The following RPP30 variants were observed in gnomAD, a reference collection of about 807,000 sequenced individuals.
RPP30 encodes the protein ribonuclease P/MRP subunit p30.
A neutral mutation model predicts 38.6 loss-of-function variants in RPP30; 36 were observed. The observed-to-expected ratio is 0.93, with a 90% confidence interval of 0.71 to 1.23. The LOEUF is 1.23. Among genes scored for constraint, RPP30 ranks in the 50% most tolerant of loss-of-function variants. The pLI is 0.00. For missense variants in RPP30, 321 were observed against 321.7 expected, an observed-to-expected ratio of 1.00 and a Z score of 0.02; for synonymous variants, 126 against 112.7, an observed-to-expected ratio of 1.12 and a Z score of -0.75.
At chr10:90,884,168 G>T (rs928551336) in intron 5 of RPP30, among the ~76,000 whole-genome samples, 3 of 152,132 alleles carry the variant, frequency 2.0e-5, no homozygotes, top group Non-Finnish European at 2.9e-5. Context: ...GACTGTCATT[G>T]TACTAATGTC....
At position 90,878,808 on chromosome 10, in the gene RPP30, A is replaced by G. The variant is rs189361504; in HGVS notation, c.271-255A>G. 1.7e-3 allele frequency among the ~76,000 whole-genome samples: 260 copies of G among 152,292 alleles called. 2 individuals are homozygous for G. Among genetic ancestry groups the G allele is most frequent in the African/African-American group, 6.0e-3 (251 of 41,570 alleles). ...ATACCTAGCCTAATTTGATTTTTAC[A>G]TCTCAGACACAATGTTTGGTACATG... On this transcript the variant is annotated intron_variant, in intron 4 of 10. Transcript: ENST00000371703.
chr10:90,885,893 A>G lies in RPP30; in HGVS notation c.424A>G (p.Ile142Val). The change falls in exon 6 of 11, where the codon ATT (isoleucine) becomes GTT (valine). Residue 142 changes from isoleucine to valine, a missense_variant. Transcript: ENST00000371703. ...ACCATTTTACTTCAAAAGACCTCCT[A>G]TTAATGTGGTAAGTGTACTTTCCAT... ...KLPFYFKRPPINVAIDRGLAF... is the reference protein window; with the variant it reads ...KLPFYFKRPPVNVAIDRGLAF... 4.4e-6 allele frequency: 7 copies of G among 1,586,886 alleles called. No homozygotes were observed. Among genetic ancestry groups the G allele is most frequent in the African/African-American group, 2.7e-5 (2 of 74,432 alleles).
intron 10 of RPP30, among the ~76,000 whole-genome samples, chr10:90,896,601 G>T (rs1255741788): frequency 6.6e-6 from 1 of 152,152 alleles, no homozygotes; most frequent in African/African-American, 2.4e-5. Flanking sequence ...TTTCATTACA[G>T]AAATAAGTAT....
intron 8 of RPP30, 143 bp from the exon 9 acceptor site, chr10:90,895,737 A>G: frequency 1.6e-6 from 1 of 632,908 alleles, no homozygotes; most frequent in Non-Finnish European, 2.6e-6. Flanking sequence ...TTCAAAAGCT[A>G]TGAAACCCAT....
At chr10:90,896,237 G>A (rs1847137273) in intron 9 of RPP30, 76 bp from the exon 10 acceptor site, 1 of 1,290,804 alleles carries the variant, frequency 7.7e-7, no homozygotes, top group Non-Finnish European at 1.1e-6. Context: ...CAGGTTAGCT[G>A]GCACTTTCTG....
Position 90,894,876 on chromosome 10 carries a change from A to T in RPP30, c.534A>T (p.Gln178His). Residue 178 changes from glutamine (Q) to histidine (H), a missense_variant, in exon 7 of 11, where the codon CAA becomes CAT. By Grantham distance (24) the Gln-to-His change is conservative (BLOSUM62 0). Coordinates refer to ENST00000371703, the MANE Select transcript of RPP30 (RefSeq NM_006413.5). ...YTISSALNLM[Q>H]ICKGKNVIIS... ...TTTCCAGTGCCCTCAATTTGATGCA[A>T]ATCTGCAAAGGAAAGGTATGGTTCT... 6.2e-7 allele frequency: 1 copy of T among 1,607,398 alleles called. No homozygotes were observed.
intron 4 of RPP30, among the ~76,000 whole-genome samples, chr10:90,876,544 A>G (rs1295814209): frequency 6.6e-6 from 1 of 152,204 alleles, no homozygotes; most frequent in African/African-American, 2.4e-5. Context: ...TTGATATTCA[A>G]GCTGGGAGAC....
At chr10:90,880,571 T>C (rs1050240802) in intron 5 of RPP30, among the ~76,000 whole-genome samples, 2 of 151,950 alleles carry the variant, frequency 1.3e-5, no homozygotes, top group African/African-American at 4.8e-5. Flanking sequence ...CTACTAAAAA[T>C]ACAAAAATTA....
chr10:90,895,776 A>G, intron 8 of RPP30, 104 bp from the exon 9 acceptor site: 1 of 847,398 alleles, frequency 1.2e-6, no homozygotes, highest in Non-Finnish European at 1.8e-6. Flanking sequence ...AATTTATGTA[A>G]TTTTTTTATT....
At position 90,896,251 on chromosome 10, in the gene RPP30, T is replaced by C. The variant is rs186205394; in HGVS notation, c.618-62T>C. ...CCAGGTTAGCTGGCACTTTCTGTTA[T>C]GTTTGTGTTAGTCTCGTGTCCTTGG... On this transcript the variant is annotated intron_variant, in intron 9 of 10. Transcript: ENST00000371703. 2.2e-5 allele frequency: 32 copies of C among 1,436,822 alleles called. 2 individuals carry two copies. The highest frequency in any genetic ancestry group is 3.5e-4 in the Middle Eastern group (2 of 5,680). 89.0% of individuals were successfully genotyped at this position (1,436,822 alleles called of 1,614,324 possible).
intron 4 of RPP30, among the ~76,000 whole-genome samples, chr10:90,877,253 A>G (rs1204204121): frequency 6.6e-6 from 1 of 152,128 alleles, no homozygotes; most frequent in Non-Finnish European, 1.5e-5. Context: ...CAGAGGTTGC[A>G]GTGAGATCAC....
chr10:90,898,846 T>C (rs1245190851), intron 10 of RPP30, among the ~76,000 whole-genome samples: 1 of 152,216 alleles, frequency 6.6e-6, no homozygotes, highest in Non-Finnish European at 1.5e-5. Flanking sequence ...TCAGGGTCTT[T>C]GGCCTGTGAT....
Position 90,895,927 on chromosome 10 carries a change from T to C in RPP30, c.617+10T>C. 1 of 1,595,740 alleles carries C rather than the reference T, an allele frequency of 6.3e-7. No individual in the cohort carries two copies. Among genetic ancestry groups the C allele is most frequent in the East Asian group, 2.3e-5 (1 of 44,428 alleles). ...ATGACGTGGCAAATCTGTATCCTTTTCTGAGTAAAAAGTTGTTGACATTGT... is the reference window on the plus strand; with the variant it reads ...ATGACGTGGCAAATCTGTATCCTTTCCTGAGTAAAAAGTTGTTGACATTGT... On this transcript the variant is annotated intron_variant, in intron 9 of 10. Transcript: ENST00000371703.
At chr10:90,903,605 G>T (rs543924384), downstream of RPP30, among the ~76,000 whole-genome samples, 219 of 152,332 alleles carry the variant, frequency 1.4e-3, 1 homozygote, top group South Asian at 0.011. Flanking sequence ...GTTCATGATA[G>T]TAGGGCATGA....
chr10:90,897,453 T>C (rs1034201408), intron 10 of RPP30, among the ~76,000 whole-genome samples: 1 of 152,248 alleles, frequency 6.6e-6, no homozygotes. Flanking sequence ...AGTTTCAACA[T>C]TTTTAGTTTG....
At chr10:90,906,141 G>A (rs1034655769), downstream of RPP30, 1 of 152,170 alleles carries the variant, frequency 6.6e-6, no homozygotes, top group African/African-American at 2.4e-5. Context: ...CAAGAGGAGG[G>A]GGAAGGAAGT....
At chr10:90,879,036 A>G (rs747161058) in intron 4 of RPP30, 27 bp from the exon 5 acceptor site, 2 of 1,592,258 alleles carry the variant, frequency 1.3e-6, no homozygotes, top group Admixed American at 1.7e-5. Context: ...TTGTTATTGT[A>G]TGATAACATT....
Position 90,885,749 on chromosome 10 carries a change from A to G in RPP30, c.343-63A>G, listed in dbSNP as rs921392037. ...CATACTTTATATCGAGTTTGACCCT[A>G]TCTCCCATTCTTACTTGTGCCAATT... is the stretch of plus-strand genomic sequence containing the variant. On this transcript the variant is annotated intron_variant, in intron 5 of 10. Transcript: ENST00000371703. 24 of 967,644 alleles carry G rather than the reference A, an allele frequency of 2.5e-5. No individual in the cohort carries two copies. The African/African-American group carries it at 2.7e-4, about 11-fold the overall frequency. The allele number at this position is 967,644 out of a possible 1,614,324, so 59.9% of individuals were successfully genotyped here.
chr10:90,878,086 G>T (rs2120187566), intron 4 of RPP30, among the ~76,000 whole-genome samples: 3 of 152,274 alleles, frequency 2.0e-5, no homozygotes, highest in Middle Eastern at 6.8e-3. Context: ...TTGATAGGTT[G>T]TAAAGACTTT....
Sources: allele counts gnomAD v4.1 joint callset (sites outside exome capture counted in the v4.1 genomes callset), GRCh38; gene constraint gnomAD v4.1.1; transcripts MANE v1.5; gene names NCBI Gene and HGNC (gene_info 2026-07-23, HGNC 2026-07-21).